Variants in MAML3 observed in about 807,000 individuals in gnomAD.
MAML3 encodes the protein mastermind-like protein 3.
A neutral mutation model predicts 101.9 loss-of-function variants in MAML3; 27 were observed. The ratio of observed to expected loss-of-function variants is 0.27; its 90% CI spans 0.20 to 0.37. The LOEUF (loss-of-function observed/expected upper bound fraction) is 0.37, where lower values mean the gene tolerates loss of function less well. Ranked by LOEUF, MAML3 falls within the 10% of genes least tolerant of loss-of-function variation. The pLI is 1.00. For synonymous variants in MAML3, 501 were observed against 555.9 expected (o/e 0.90, Z 1.39); for missense variants, 1,316 against 1,444.9 (o/e 0.91, Z 1.45).
intron 1 of MAML3, among the ~76,000 whole-genome samples, chr4:139,907,802 C>T (rs562799759): frequency 2.0e-5 from 3 of 152,350 alleles, no homozygotes; most frequent in Non-Finnish European, 4.4e-5. Flanking sequence ...CTGGCAACCA[C>T]AACTTGGCTA....
chr4:139,850,452 G>A (rs1222813974), intron 2 of MAML3, among the ~76,000 whole-genome samples: 5 of 152,190 alleles, frequency 3.3e-5, no homozygotes, highest in Non-Finnish European at 5.9e-5. Context: ...TAAATTAGAT[G>A]GTTTTGTCCA....
At chr4:140,069,829 AT>A (rs976893488) in intron 1 of MAML3, among the ~76,000 whole-genome samples, 1 of 151,820 alleles carries the variant, frequency 6.6e-6, no homozygotes. Context: ...AAAAAAAAAA[AT>A]CTAGGCTGGG....
intron 1 of MAML3, among the ~76,000 whole-genome samples, chr4:139,952,948 T>C (rs1699884059): frequency 6.6e-6 from 1 of 152,206 alleles, no homozygotes; most frequent in African/African-American, 2.4e-5. Context: ...TGCCTGGATT[T>C]GGACTGTTGG....
At chr4:140,060,387 T>TAAAAAAAAAAAAAAAAAAAAAA (rs1553971712) in intron 1 of MAML3, among the ~76,000 whole-genome samples, 1 of 16,806 alleles carries the variant, frequency 6.0e-5, no homozygotes, top group African/African-American at 1.7e-4. Context: ...AAAAAAAAAG[T>TAAAAAAAAAAAAAAAAAAAAAA]CACAAGCCTG....
At position 139,785,258 on chromosome 4, in the gene MAML3, C is replaced by G. The variant is rs1382476714; in HGVS notation, c.2080-54591G>C. ...TCCCACACGGTGCCGGATCCTGATA[C>G]CAAGACCGAGGACATGGATGGGGTT... On this transcript the variant is annotated intron_variant, in intron 2 of 4. Transcript: ENST00000509479. The surrounding 1 kb of genome is among the most constrained non-coding windows in gnomAD (Gnocchi z 4.3). 6.6e-6 allele frequency among the ~76,000 whole-genome samples: 1 copy of G among 152,174 alleles called. No individual in the cohort carries two copies. Among genetic ancestry groups the G allele is most frequent in the African/African-American group, 2.4e-5 (1 of 41,420 alleles).
chr4:139,885,606 G>A (rs1367224423), intron 2 of MAML3, among the ~76,000 whole-genome samples: 3 of 151,348 alleles, frequency 2.0e-5, no homozygotes, highest in African/African-American at 7.3e-5. Flanking sequence ...ATGATGAATA[G>A]AAGTTCCAGA....
At chr4:140,100,736 C>G (rs1728240097) in intron 1 of MAML3, among the ~76,000 whole-genome samples, 1 of 152,106 alleles carries the variant, frequency 6.6e-6, no homozygotes, top group Non-Finnish European at 1.5e-5. Context: ...TTCTTTGATC[C>G]TTCTTCCATG....
chr4:140,151,512 G>A (rs2111068808), intron 1 of MAML3, among the ~76,000 whole-genome samples: 1 of 152,266 alleles, frequency 6.6e-6, no homozygotes, highest in African/African-American at 2.4e-5. Flanking sequence ...CGGCGCCGGG[G>A]ACTCACAGAC....
intron 1 of MAML3, among the ~76,000 whole-genome samples, chr4:140,061,815 T>G (rs1727451755): frequency 6.6e-6 from 1 of 152,194 alleles, no homozygotes; most frequent in Non-Finnish European, 1.5e-5. Flanking sequence ...AATGACAATA[T>G]GGTGCCTGTA....
At chr4:139,874,911 C>T (rs1732080521) in intron 2 of MAML3, among the ~76,000 whole-genome samples, 1 of 150,224 alleles carries the variant, frequency 6.7e-6, no homozygotes, top group African/African-American at 2.5e-5. Flanking sequence ...TCACGCCATT[C>T]TCCTGCCACA....
chr4:139,729,726 G>C (rs768517302), intron 3 of MAML3, among the ~76,000 whole-genome samples: 5 of 152,230 alleles, frequency 3.3e-5, no homozygotes, highest in Admixed American at 3.3e-4. Flanking sequence ...TACAGTAGCA[G>C]TCTGCAGGGA....
At chr4:139,763,950 T>C (rs1729804911) in intron 2 of MAML3, among the ~76,000 whole-genome samples, 1 of 152,180 alleles carries the variant, frequency 6.6e-6, no homozygotes, top group Admixed American at 6.5e-5. Context: ...AATACTGAAC[T>C]GGTATGCTCC....
At position 139,927,359 on chromosome 4, in the gene MAML3, C is replaced by G. The variant is rs569140965; in HGVS notation, c.469-36392G>C. Among the ~76,000 whole-genome samples the G allele has an allele frequency of 7.2e-5, 11 of 152,318 alleles. No individual in the cohort carries two copies. The South Asian group carries it at 1.2e-3, about 17-fold the overall frequency. ...TATTATATGATATTTCACTTGATCA[C>G]TTGCTTAGGGTGGTTTATGCTGGTT... is the stretch of plus-strand genomic sequence containing the variant. On this transcript the variant is annotated intron_variant, in intron 1 of 4. Coordinates refer to ENST00000509479, the MANE Select transcript of MAML3 (RefSeq NM_018717.5).
intron 1 of MAML3, among the ~76,000 whole-genome samples, chr4:139,914,815 C>A (rs1732998153): frequency 6.6e-6 from 1 of 152,204 alleles, no homozygotes; most frequent in South Asian, 2.1e-4. Context: ...CAGAGTGTCA[C>A]CTGAAGAAAG....
chr4:140,100,879 T>A (rs1452893487), intron 1 of MAML3, among the ~76,000 whole-genome samples: 1 of 152,168 alleles, frequency 6.6e-6, no homozygotes, highest in African/African-American at 2.4e-5. Flanking sequence ...AACCTAGTGC[T>A]TAATATGACT....
chr4:139,805,562 T>C (rs970502933), intron 2 of MAML3, among the ~76,000 whole-genome samples: 6 of 152,058 alleles, frequency 3.9e-5, no homozygotes. Flanking sequence ...GAATAGAAAC[T>C]ACAAGAAGAA....
At chr4:140,011,276 T>C (rs1390481639) in intron 1 of MAML3, among the ~76,000 whole-genome samples, 1 of 129,506 alleles carries the variant, frequency 7.7e-6, no homozygotes, top group Non-Finnish European at 1.7e-5. Context: ...CAAAAAACTT[T>C]ACTTTGATGA....
At chr4:139,980,078 C>T (rs1447299593) in intron 1 of MAML3, among the ~76,000 whole-genome samples, 2 of 152,142 alleles carry the variant, frequency 1.3e-5, no homozygotes, top group African/African-American at 2.4e-5. Context: ...CTGGGCTCTC[C>T]CTTTATGCAT....
intron 2 of MAML3, among the ~76,000 whole-genome samples, chr4:139,808,050 T>G (rs1187506510): frequency 6.6e-6 from 1 of 152,202 alleles, no homozygotes; most frequent in East Asian, 1.9e-4. Flanking sequence ...TCCCTTCACT[T>G]TCTCTTCTCT....
Sources: gnomAD v4.1 joint callset for allele counts (sites outside exome capture counted in the v4.1 genomes callset) on GRCh38, gnomAD v4.1.1 for gene constraint, Gnocchi (gnomAD v3.1) non-coding constraint, MANE v1.5 for transcripts, NCBI Gene and HGNC (gene_info 2026-07-23, HGNC 2026-07-21) for gene names.